IGFBP2: variants seen among roughly 807,000 people sequenced by gnomAD.
IGFBP2 encodes the protein insulin-like growth factor-binding protein 2.
Under a neutral mutation model 26.2 loss-of-function variants are expected in IGFBP2, and 12 were observed. The ratio of observed to expected loss-of-function variants is 0.46; its 90% CI spans 0.29 to 0.74. IGFBP2 has a LOEUF of 0.74. Among genes scored for constraint, IGFBP2 ranks in the 30% least tolerant of loss-of-function variants. The pLI is 0.09. For missense variants in IGFBP2, 328 were observed against 441.2 expected (o/e 0.74, Z 2.30); for synonymous variants, 189 against 200.6 (o/e 0.94, Z 0.49).
chr2:216,654,519 T>C (rs571515103), intron 1 of IGFBP2, among the ~76,000 whole-genome samples: 24 of 152,330 alleles, frequency 1.6e-4, no homozygotes, highest in Non-Finnish European at 2.9e-4. Flanking sequence ...TGAATCTCTT[T>C]GGCTGGGAAC....
chr2:216,664,179 G>A lies in IGFBP2; in HGVS notation c.*75G>A. ...CACCGGCAGAAAACGGAGAGTGCTT[G>A]GGTGGTGGGTGCTGGAGGATTTTCC... On this transcript the variant is annotated 3_prime_UTR_variant, in exon 4 of 4. Coordinates refer to ENST00000233809, the MANE Select transcript of IGFBP2 (RefSeq NM_000597.3). This position sits in a 1 kb window ranked among gnomAD's most constrained non-coding sequence, Gnocchi z 4.6. The A allele has an allele frequency of 8.0e-7, 1 of 1,254,304 alleles. No individual in the cohort carries two copies. Among genetic ancestry groups the A allele is most frequent in the South Asian group, 1.6e-5 (1 of 63,018 alleles). The allele number at this position is 1,254,304 out of a possible 1,614,324, so 77.7% of individuals were successfully genotyped here.
chr2:216,640,010 C>T (rs1697580667), intron 1 of IGFBP2, among the ~76,000 whole-genome samples: 1 of 152,058 alleles, frequency 6.6e-6, no homozygotes, highest in African/African-American at 2.4e-5. Flanking sequence ...TCTGTATGTT[C>T]CCGACTCCCT....
At chr2:216,653,489 A>T (rs948042003) in intron 1 of IGFBP2, among the ~76,000 whole-genome samples, 5 of 152,198 alleles carry the variant, frequency 3.3e-5, no homozygotes, top group African/African-American at 1.2e-4. Context: ...CTAAATTAGT[A>T]AGGGTGGGCC....
At chr2:216,636,559 T>G (rs1697500089) in intron 1 of IGFBP2, among the ~76,000 whole-genome samples, 1 of 151,472 alleles carries the variant, frequency 6.6e-6, no homozygotes, top group Non-Finnish European at 1.5e-5. Context: ...AACTGAGAAG[T>G]CAGTCTTGGG....
chr2:216,650,366 C>G (rs1697795333), intron 1 of IGFBP2, among the ~76,000 whole-genome samples: 1 of 152,212 alleles, frequency 6.6e-6, no homozygotes, highest in African/African-American at 2.4e-5. Context: ...GTGGTGAAGT[C>G]AGGATCGAAC....
In IGFBP2 at chr2:216,647,772, G is replaced by A. The variant is rs184161374; in HGVS notation, c.443-12785G>A. Reference sequence around the variant, plus strand: ...GCTGACCTCGTGATCTGCCCGCCTTGGCCTCCCAAAGTGCTGGGATTACAG... The same window carrying A: ...GCTGACCTCGTGATCTGCCCGCCTTAGCCTCCCAAAGTGCTGGGATTACAG... On this transcript the variant is annotated intron_variant, in intron 1 of 3. Coordinates refer to ENST00000233809, the MANE Select transcript of IGFBP2 (RefSeq NM_000597.3). Among the ~76,000 whole-genome samples the A allele has an allele frequency of 1.1e-4, 17 of 152,202 alleles. No individual in the cohort carries two copies. In the East Asian group the frequency reaches 1.9e-3, roughly 17 times the overall value.
chr2:216,638,223 G>A (rs1697538916), intron 1 of IGFBP2, among the ~76,000 whole-genome samples: 1 of 151,358 alleles, frequency 6.6e-6, no homozygotes, highest in Non-Finnish European at 1.5e-5. Flanking sequence ...GCCACGGGTT[G>A]GCCAGGCGCG....
At chr2:216,654,508 T>C (rs1697883106) in intron 1 of IGFBP2, among the ~76,000 whole-genome samples, 1 of 152,220 alleles carries the variant, frequency 6.6e-6, no homozygotes, top group East Asian at 1.9e-4. Context: ...ATTTTGGGGT[T>C]TGAATCTCTT....
intron 1 of IGFBP2, among the ~76,000 whole-genome samples, chr2:216,654,648 C>T (rs9341185): frequency 0.011 from 1,735 of 152,262 alleles, 35 homozygotes; most frequent in African/African-American, 0.04. Flanking sequence ...GATCTGGCTA[C>T]GGGATTTGAG....
At chr2:216,663,774 A>C in intron 3 of IGFBP2, 166 bp from the exon 4 acceptor site, 1 of 645,700 alleles carries the variant, frequency 1.5e-6, no homozygotes. Context: ...CTGCATGGGA[A>C]TCTGCATTTT....
Position 216,661,887 on chromosome 2 carries a change from C to G in IGFBP2, c.702C>G (p.Val234=). ...CCTGCCAACAGGAACTGGACCAGGTCCTGGAGCGGATCTCCACCATGCGCC... is the reference window on the plus strand; with the variant it reads ...CCTGCCAACAGGAACTGGACCAGGTGCTGGAGCGGATCTCCACCATGCGCC... ...RTPCQQELDQ[V]LERISTMRLP... Residue 234 remains valine (V), a synonymous_variant, in exon 3 of 4, where the codon GTC becomes GTG. Transcript: ENST00000233809. The G allele has an allele frequency of 6.2e-7, 1 of 1,614,206 alleles. No individual in the cohort carries two copies. Among genetic ancestry groups the G allele is most frequent in the Non-Finnish European group, 8.5e-7 (1 of 1,180,036 alleles).
chr2:216,634,162 T>C (rs1170974116), intron 1 of IGFBP2, among the ~76,000 whole-genome samples, 197 bp downstream of exon 1: 1 of 152,216 alleles, frequency 6.6e-6, no homozygotes, highest in Non-Finnish European at 1.5e-5. Context: ...GGAAGAGCCC[T>C]GGCGACTCAT....
At chr2:216,651,816 G>T (rs1236515225) in intron 1 of IGFBP2, among the ~76,000 whole-genome samples, 1 of 152,188 alleles carries the variant, frequency 6.6e-6, no homozygotes, top group Admixed American at 6.5e-5. Context: ...GTGTAGTGGT[G>T]TAATCTTGGC....
chr2:216,648,309 C>A lies in IGFBP2; in HGVS notation c.443-12248C>A, dbSNP rs145286587. On this transcript the variant is annotated intron_variant, in intron 1 of 3. Transcript: ENST00000233809. ...TCTCAGGCCTGAGTCATCTTGATTACTTCATCTTCCCCTTCTTAATTCTGT... is the reference window on the plus strand; with the variant it reads ...TCTCAGGCCTGAGTCATCTTGATTAATTCATCTTCCCCTTCTTAATTCTGT... Among the ~76,000 whole-genome samples the A allele has an allele frequency of 2.8e-3, 427 of 152,334 alleles. 3 individuals are homozygous for A. Among genetic ancestry groups the A allele is most frequent in the Non-Finnish European group, 1.7e-3 (119 of 68,032 alleles).
intron 1 of IGFBP2, among the ~76,000 whole-genome samples, chr2:216,643,665 T>TAAA (rs35784683): frequency 6.9e-6 from 1 of 144,354 alleles, no homozygotes; most frequent in African/African-American, 2.5e-5. Flanking sequence ...GCTGATGAGC[T>TAAA]AAAAAAAAAA....
chr2:216,662,223 G>A (rs949160257), intron 3 of IGFBP2: 26 of 571,254 alleles, frequency 4.6e-5, no homozygotes, highest in Middle Eastern at 4.7e-4. Flanking sequence ...TTGCCCAGCT[G>A]CCCACCGGCC....
At position 216,664,121 on chromosome 2, in the gene IGFBP2, G is replaced by C; in HGVS notation, c.*17G>C. 1 of 1,563,652 alleles carries C rather than the reference G, an allele frequency of 6.4e-7. No homozygotes were observed. The highest frequency in any genetic ancestry group is 1.2e-5 in the South Asian group (1 of 84,352). ...ATGCAGTAGACCGCAGCCAGCCGGT[G>C]CCTGGCGCCCCTGCCCCCCGCCCCT... On this transcript the variant is annotated 3_prime_UTR_variant, in exon 4 of 4. Transcript: ENST00000233809. The surrounding 1 kb of genome is among the most constrained non-coding windows in gnomAD (Gnocchi z 4.6).
intron 1 of IGFBP2, among the ~76,000 whole-genome samples, chr2:216,634,373 C>T (rs1697450725): frequency 4.6e-5 from 7 of 151,932 alleles, no homozygotes; most frequent in Admixed American, 4.6e-4. Flanking sequence ...TGCTGGGAGG[C>T]GGAGGCTGCG....
intron 1 of IGFBP2, among the ~76,000 whole-genome samples, chr2:216,644,151 T>C (rs1370006528): frequency 3.4e-5 from 5 of 148,608 alleles, no homozygotes; most frequent in Non-Finnish European, 7.5e-5. Context: ...AGAGCAACTG[T>C]AGTCAGGAAT....
Sources: allele counts gnomAD v4.1 joint callset (sites outside exome capture counted in the v4.1 genomes callset), GRCh38; gene constraint gnomAD v4.1.1; non-coding constraint Gnocchi (gnomAD v3.1); transcripts MANE v1.5; gene names NCBI Gene and HGNC (gene_info 2026-07-23, HGNC 2026-07-21).